Variants in GNAO1 observed in about 807,000 individuals in gnomAD.
The protein encoded by GNAO1 is guanine nucleotide-binding protein G(o) subunit alpha.
For missense variants in GNAO1, 166 were observed against 478.7 expected, an observed-to-expected ratio of 0.35 and a Z score of 6.10; for synonymous variants, 164 against 180.7, an observed-to-expected ratio of 0.91 and a Z score of 0.74.
intron 2 of GNAO1, among the ~76,000 whole-genome samples, chr16:56,244,878 G>C (rs1596818039): frequency 6.6e-6 from 1 of 152,188 alleles, no homozygotes; most frequent in East Asian, 1.9e-4. Context: ...GCAAAGGCCT[G>C]TTTCCCACTG....
chr16:56,265,772 G>A (rs1489377288), intron 2 of GNAO1, among the ~76,000 whole-genome samples: 5 of 152,146 alleles, frequency 3.3e-5, no homozygotes, highest in Non-Finnish European at 5.9e-5. Context: ...AGATGGTTTG[G>A]GGACGAATGT....
At position 56,261,302 on chromosome 16, in the gene GNAO1, G is replaced by A. The variant is rs2036901456; in HGVS notation, c.162-14629G>A. On this transcript the variant is annotated intron_variant, in intron 2 of 8. Coordinates refer to ENST00000262493, the MANE Select transcript of GNAO1 (RefSeq NM_020988.3). ...AGAAGGGCGTCTTTTGTCTGTTTCA[G>A]AACACTCACCTAAAATGGTCCACCA... 4.6e-5 allele frequency among the ~76,000 whole-genome samples: 7 copies of A among 152,280 alleles called. No homozygotes were observed. In the South Asian group the frequency reaches 1.5e-3, roughly 32 times the overall value.
chr16:56,265,576 T>C (rs1457234004), intron 2 of GNAO1, among the ~76,000 whole-genome samples: 2 of 152,198 alleles, frequency 1.3e-5, no homozygotes, highest in Admixed American at 1.3e-4. Flanking sequence ...GGACGGTGGT[T>C]CCCTCCAGCT....
chr16:56,216,035 G>A (rs1205060035), intron 2 of GNAO1, among the ~76,000 whole-genome samples: 3 of 152,156 alleles, frequency 2.0e-5, no homozygotes, highest in Admixed American at 6.5e-5. Context: ...TCCAGCAGGT[G>A]CTAGGACCAG....
At chr16:56,301,880 C>T (rs1420381586) in intron 3 of GNAO1, 1 of 152,176 alleles carries the variant, frequency 6.6e-6, no homozygotes, top group African/African-American at 2.4e-5. Flanking sequence ...CACACTGTCA[C>T]CACCCCCAAT....
chr16:56,253,754 A>C (rs907687273), intron 2 of GNAO1, among the ~76,000 whole-genome samples: 2 of 152,192 alleles, frequency 1.3e-5, no homozygotes, highest in Non-Finnish European at 2.9e-5. Flanking sequence ...TTGCCATCAC[A>C]TGGAAGCAGA....
intron 3 of GNAO1, among the ~76,000 whole-genome samples, chr16:56,280,138 G>A (rs1367080675): frequency 6.6e-6 from 1 of 152,250 alleles, no homozygotes; most frequent in African/African-American, 2.4e-5. Context: ...GTGAGTTGGA[G>A]CCTTTAAGGA....
intron 2 of GNAO1, among the ~76,000 whole-genome samples, chr16:56,241,807 A>G (rs1441774530): frequency 6.6e-6 from 1 of 152,206 alleles, no homozygotes; most frequent in African/African-American, 2.4e-5. Context: ...AGGTATTTTG[A>G]TTGAGTGTAT....
At chr16:56,199,781 C>T (rs1487940046) in intron 2 of GNAO1, among the ~76,000 whole-genome samples, 3 of 152,126 alleles carry the variant, frequency 2.0e-5, no homozygotes, top group African/African-American at 7.2e-5. Context: ...GGAGTATTTA[C>T]CACCCACAGC....
At chr16:56,310,582 CTT>C (rs1178830576) in intron 3 of GNAO1, among the ~76,000 whole-genome samples, 34 of 152,236 alleles carry the variant, frequency 2.2e-4, no homozygotes, top group African/African-American at 7.9e-4. Flanking sequence ...AGCTTACAGT[CTT>C]ATTGAGAGGG....
At chr16:56,349,463 A>C (rs2037902050) in intron 6 of GNAO1, among the ~76,000 whole-genome samples, 2 of 152,186 alleles carry the variant, frequency 1.3e-5, no homozygotes, top group African/African-American at 4.8e-5. Flanking sequence ...ACACAGGTTC[A>C]CTGGGCCTCC....
At chr16:56,332,070 C>G (rs2037693891) in intron 4 of GNAO1, among the ~76,000 whole-genome samples, 1 of 152,162 alleles carries the variant, frequency 6.6e-6, no homozygotes, top group Admixed American at 6.5e-5. Context: ...CCACAGCCAC[C>G]CCCACTGTGC....
chr16:56,238,739 C>T (rs2036665780), intron 2 of GNAO1, among the ~76,000 whole-genome samples: 1 of 152,188 alleles, frequency 6.6e-6, no homozygotes, highest in Non-Finnish European at 1.5e-5. Context: ...AATTTTGTTA[C>T]ACAATTAATG....
chr16:56,251,402 G>A (rs2036798577), intron 2 of GNAO1, among the ~76,000 whole-genome samples: 1 of 152,216 alleles, frequency 6.6e-6, no homozygotes, highest in Admixed American at 6.5e-5. Context: ...GTGAAATCAA[G>A]TTGAAGAGTC....
intron 2 of GNAO1, among the ~76,000 whole-genome samples, chr16:56,218,749 C>G (rs1403147064): frequency 6.6e-6 from 1 of 152,124 alleles, no homozygotes; most frequent in East Asian, 1.9e-4. Context: ...ATCTCCAGGC[C>G]TTTGTCCATG....
chr16:56,260,547 C>T (rs1034827307), intron 2 of GNAO1, among the ~76,000 whole-genome samples: 7 of 152,230 alleles, frequency 4.6e-5, no homozygotes, highest in South Asian at 2.1e-4. Flanking sequence ...CTACTGAGCC[C>T]GACTCTGAGA....
At chr16:56,241,834 A>C (rs2036696891) in intron 2 of GNAO1, among the ~76,000 whole-genome samples, 1 of 152,208 alleles carries the variant, frequency 6.6e-6, no homozygotes, top group South Asian at 2.1e-4. Context: ...ACCACTCACA[A>C]GGAGGTCCCA....
intron 3 of GNAO1, among the ~76,000 whole-genome samples, chr16:56,283,282 CAG>C (rs1169214328): frequency 2.6e-5 from 4 of 152,172 alleles, no homozygotes; most frequent in Non-Finnish European, 5.9e-5. Flanking sequence ...ACGACCCTAA[CAG>C]GGGGCTCCCT....
intron 2 of GNAO1, chr16:56,245,772 G>T (rs577391090): frequency 6.6e-6 from 1 of 152,376 alleles, no homozygotes; most frequent in South Asian, 2.1e-4. Flanking sequence ...TACTTTCTCT[G>T]TCAAAACATG....
Sources: allele counts gnomAD v4.1 joint callset (sites outside exome capture counted in the v4.1 genomes callset), GRCh38; gene constraint gnomAD v4.1.1; transcripts MANE v1.5; gene names NCBI Gene and HGNC (gene_info 2026-07-23, HGNC 2026-07-21).